Variants in DTX1 observed in about 807,000 individuals in gnomAD.
DTX1 encodes deltex E3 ubiquitin ligase 1.
DTX1 carries 26 observed loss-of-function variants against 57.8 expected under a neutral mutation model. That is an observed-to-expected ratio of 0.45 (90% CI 0.33 to 0.62). The LOEUF (loss-of-function observed/expected upper bound fraction) is 0.62, where lower values mean the gene tolerates loss of function less well. DTX1 is among the 20% of genes least tolerant of loss of function. DTX1 has a pLI of 0.02. For synonymous variants in DTX1, 398 were observed against 394.1 expected, an observed-to-expected ratio of 1.01 and a Z score of -0.12; for missense variants, 704 against 895.3, an observed-to-expected ratio of 0.79 and a Z score of 2.73.
intron 1 of DTX1, 67 bp from the exon 2 acceptor site, chr12:113,057,382 T>TG (rs2136419796): frequency 6.6e-6 from 1 of 152,422 alleles, no homozygotes; most frequent in Non-Finnish European, 1.5e-5. Flanking sequence ...AATGCTCTCC[T>TG]GGGAAGGGGG....
In DTX1 at chr12:113,077,561, T is replaced by G; in HGVS notation, c.397T>G (p.Tyr133Asp). ...CATCTGCATCACCATCCAGAACGCC[T>G]ACGAGAAGCAGCACCCGTGGCTCGA... The part of the protein sequence containing the change: ...MDICITIQNA[Y>D]EKQHPWLDLS... The change falls in exon 3 of 10, where the codon TAC (tyrosine) becomes GAC (aspartate). Residue 133 changes from tyrosine to aspartate, a missense_variant. Physicochemically the swap from Tyr to Asp is radical, Grantham distance 160. Around this residue, in one of 3 missense-constraint regions of DTX1, gnomAD observed 237 missense variants for 328.6 expected, o/e 0.72. Coordinates refer to ENST00000548759, the MANE Select transcript of DTX1 (RefSeq NM_004416.3). This position sits in a 1 kb window ranked among gnomAD's most constrained non-coding sequence, Gnocchi z 7.8. 2.5e-6 allele frequency: 4 copies of G among 1,613,816 alleles called. No homozygotes were observed. The highest frequency in any genetic ancestry group is 3.4e-6 in the Non-Finnish European group (4 of 1,179,916).
rs1182662044 is a variant in DTX1, at chr12:113,076,657, C to T, written c.260-767C>T. Reference sequence around the variant, plus strand: ...GATGACTGCAGGCACGAATGAATGACCTAAGGAAAGAATCAATGAATGAAT... The same window carrying T: ...GATGACTGCAGGCACGAATGAATGATCTAAGGAAAGAATCAATGAATGAAT... On this transcript the variant is annotated intron_variant, in intron 2 of 9. Coordinates refer to ENST00000548759, the MANE Select transcript of DTX1 (RefSeq NM_004416.3). Among the ~76,000 whole-genome samples, 3 of 151,654 alleles carry T rather than the reference C, an allele frequency of 2.0e-5. No individual in the cohort carries two copies. The East Asian group carries it at 5.8e-4, about 29-fold the overall frequency.
At chr12:113,061,631 A>T (rs2044663989) in intron 2 of DTX1, among the ~76,000 whole-genome samples, 1 of 152,204 alleles carries the variant, frequency 6.6e-6, no homozygotes, top group Admixed American at 6.5e-5. Context: ...TCAACTAATT[A>T]TCTACTGTGC....
At chr12:113,068,354 G>A (rs979795024) in intron 2 of DTX1, among the ~76,000 whole-genome samples, 2 of 152,206 alleles carry the variant, frequency 1.3e-5, no homozygotes, top group Non-Finnish European at 2.9e-5. Context: ...GCTTTGATGG[G>A]AGCATTGCAG....
At chr12:113,057,389 G>C (rs2044632958) in intron 1 of DTX1, 60 bp from the exon 2 acceptor site, 3 of 152,640 alleles carry the variant, frequency 2.0e-5, no homozygotes, top group African/African-American at 2.4e-5. Flanking sequence ...TCCTGGGAAG[G>C]GGGGAGGGGG....
intron 2 of DTX1, among the ~76,000 whole-genome samples, chr12:113,066,919 C>T (rs575959358): frequency 3.3e-5 from 5 of 152,028 alleles, no homozygotes; most frequent in Admixed American, 6.5e-5. Flanking sequence ...TCCTCTAGGT[C>T]CCGCATAGTT....
At chr12:113,073,055 C>T (rs866340574) in intron 2 of DTX1, among the ~76,000 whole-genome samples, 1 of 152,104 alleles carries the variant, frequency 6.6e-6, no homozygotes, top group Admixed American at 6.5e-5. Context: ...TCTGCACCTC[C>T]TATCCCGGCC....
intron 3 of DTX1, among the ~76,000 whole-genome samples, chr12:113,087,738 A>G (rs2044872874): frequency 6.6e-6 from 1 of 152,052 alleles, no homozygotes; most frequent in African/African-American, 2.4e-5. Context: ...AGTGTGAGGT[A>G]TCCTGAAGGG....
At chr12:113,088,980 A>C (rs1566019981) in intron 3 of DTX1, among the ~76,000 whole-genome samples, 1 of 152,184 alleles carries the variant, frequency 6.6e-6, no homozygotes, top group African/African-American at 2.4e-5. Flanking sequence ...AAGCCACTGC[A>C]CTCTAGCCAG....
intron 3 of DTX1, among the ~76,000 whole-genome samples, chr12:113,078,616 G>A (rs555041777): frequency 6.6e-6 from 1 of 152,280 alleles, no homozygotes; most frequent in East Asian, 1.9e-4. Flanking sequence ...GGCTGGGAAA[G>A]CTATGGTGCC....
intron 2 of DTX1, among the ~76,000 whole-genome samples, chr12:113,064,692 C>T (rs1276863927): frequency 6.6e-6 from 1 of 152,202 alleles, no homozygotes; most frequent in African/African-American, 2.4e-5. Flanking sequence ...AGAATAGTCC[C>T]TAGCTGGGAG....
Position 113,094,873 on chromosome 12 carries a change from G to T in DTX1, c.1312G>T (p.Val438Leu). The change falls in exon 7 of 10, where the codon GTG (valine) becomes TTG (leucine). Residue 438 changes from valine to leucine, a missense_variant. Physicochemically the swap from Val to Leu is conservative, Grantham distance 32. This residue lies in a region of DTX1 where 299 missense variants were observed against 311.2 expected (regional missense o/e 0.96). Coordinates refer to ENST00000548759, the MANE Select transcript of DTX1 (RefSeq NM_004416.3). ...LRHKGVRPEL[V>L]GRLGRCGHMY... ...GCACAAGGGCGTGCGGCCTGAGCTC[G>T]TGGGCCGCCTGGGCCGCTGTGGCCA... The T allele has an allele frequency of 6.2e-7, 1 of 1,613,734 alleles. No individual in the cohort carries two copies. The highest frequency in any genetic ancestry group is 8.5e-7 in the Non-Finnish European group (1 of 1,180,010).
At chr12:113,057,207 G>A (rs1233010489) in intron 1 of DTX1, among the ~76,000 whole-genome samples, 1 of 152,038 alleles carries the variant, frequency 6.6e-6, no homozygotes, top group Non-Finnish European at 1.5e-5. Context: ...CCGGGGGAAG[G>A]GAAGGCTCCG....
Position 113,078,087 on chromosome 12 carries a change from G to A in DTX1, c.923G>A (p.Arg308His). The A allele has an allele frequency of 1.4e-6, 2 of 1,398,692 alleles. No individual in the cohort carries two copies. Among genetic ancestry groups the A allele is most frequent in the South Asian group, 1.5e-5 (1 of 67,048 alleles). The allele number at this position is 1,398,692 out of a possible 1,614,324, so 86.6% of individuals were successfully genotyped here. Residue 308 changes from arginine to histidine, a missense_variant, in exon 3 of 10, where the codon CGC becomes CAC. Physicochemically the swap from Arg to His is conservative, Grantham distance 29. Transcript: ENST00000548759. Reference protein sequence around the residue: ...GPQRTTSVSARASIPPGVPAL... With the variant: ...GPQRTTSVSAHASIPPGVPAL... ...CAGCGCACCACCAGCGTGAGCGCGC[G>A]CGCCTCCATCCCGCCGGGGTAAGAC...
chr12:113,070,207 G>T (rs1468428934), intron 2 of DTX1, among the ~76,000 whole-genome samples: 3 of 152,214 alleles, frequency 2.0e-5, no homozygotes, highest in African/African-American at 7.2e-5. Flanking sequence ...ACAGCCTGGG[G>T]CAGAAAAGTG....
Position 113,093,827 on chromosome 12 carries a change from C to T in DTX1, c.1165+127C>T, listed in dbSNP as rs1374685496. 6 of 1,462,750 alleles carry T rather than the reference C, an allele frequency of 4.1e-6. No individual in the cohort carries two copies. The highest frequency in any genetic ancestry group is 4.1e-5 in the Admixed American group (2 of 48,660). The allele number at this position is 1,462,750 out of a possible 1,614,324, so 90.6% of individuals were successfully genotyped here. On this transcript the variant is annotated intron_variant, in intron 5 of 9. Coordinates refer to ENST00000548759, the MANE Select transcript of DTX1 (RefSeq NM_004416.3). This position sits in a 1 kb window ranked among gnomAD's most constrained non-coding sequence, Gnocchi z 4.2. ...TCACCTCCATTGCCTGATCTCAGCT[C>T]CCCTTGCCCTGGCCCCATCTTTCAC...
In DTX1 at chr12:113,096,774, C is replaced by T. The variant is rs371376467; in HGVS notation, c.1698C>T (p.Ser566=). 1 of 1,613,750 alleles carries T rather than the reference C, an allele frequency of 6.2e-7. No individual in the cohort carries two copies. Among genetic ancestry groups the T allele is most frequent in the South Asian group, 1.1e-5 (1 of 91,080 alleles). The change falls in exon 10 of 10, where the codon TCC becomes TCT. Residue 566 remains serine (S), a synonymous_variant. Transcript: ENST00000548759. ...GACTCATCTTCACTATCGGCACGTC[C>T]AACACCACGGGCGAGTCGGACACCG... ...ERRLIFTIGT[S]NTTGESDTVV... is the part of the protein sequence containing the mutation.
Position 113,093,323 on chromosome 12 carries a change from T to C in DTX1, c.1003+100T>C. The stretch of plus-strand genomic sequence containing the variant: ...CGCCCCCGAGATGGGCTGGTGAGCG[T>C]GGCCCGGAGGAAACGCCCCCTTCCA... On this transcript the variant is annotated intron_variant, in intron 4 of 9. Transcript: ENST00000548759. The surrounding 1 kb of genome is among the most constrained non-coding windows in gnomAD (Gnocchi z 4.2). 1 of 1,434,810 alleles carries C rather than the reference T, an allele frequency of 7.0e-7. No homozygotes were observed. The highest frequency in any genetic ancestry group is 9.4e-7 in the Non-Finnish European group (1 of 1,060,766). 88.9% of individuals were successfully genotyped at this position (1,434,810 alleles called of 1,614,324 possible). A position where few individuals can be genotyped will look rare whatever the true frequency, so the allele number is the denominator to read the frequency against.
At chr12:113,073,487 C>T (rs1426236520) in intron 2 of DTX1, among the ~76,000 whole-genome samples, 5 of 152,206 alleles carry the variant, frequency 3.3e-5, no homozygotes, top group African/African-American at 1.2e-4. Flanking sequence ...ATGGTAGGTG[C>T]CCAGGGACCT....
Sources: allele counts gnomAD v4.1 joint callset (sites outside exome capture counted in the v4.1 genomes callset), GRCh38; gene constraint gnomAD v4.1.1; regional missense constraint gnomAD v4.1.1; non-coding constraint Gnocchi (gnomAD v3.1); transcripts MANE v1.5; gene names NCBI Gene and HGNC (gene_info 2026-07-23, HGNC 2026-07-21).